The following PIEZO2 variants were observed in gnomAD, a reference collection of about 807,000 sequenced individuals.
PIEZO2 encodes piezo type mechanosensitive ion channel component 2.
A neutral mutation model predicts 337.3 loss-of-function variants in PIEZO2; 172 were observed. The ratio of observed to expected loss-of-function variants is 0.51; its 90% confidence interval spans 0.45 to 0.58. The LOEUF is 0.58. Ranked by LOEUF, PIEZO2 falls within the 20% of genes least tolerant of loss-of-function variation. The probability of loss-of-function intolerance (pLI) is 0.00; values close to 1 mark genes in which losing one functional copy is unlikely to be tolerated. For synonymous variants in PIEZO2, 1,251 were observed against 1,228.5 expected (o/e 1.02, Z -0.38); for missense variants, 3,028 against 3,391.3 (o/e 0.89, Z 2.66).
intron 4 of PIEZO2, among the ~76,000 whole-genome samples, chr18:10,904,524 G>A (rs77745285): frequency 0.013 from 1,967 of 152,306 alleles, 43 homozygotes; most frequent in African/African-American, 0.044. Flanking sequence ...TGGGAGGAGC[G>A]TGCTTCTGTG....
chr18:10,991,815 A>T (rs1172061259), intron 2 of PIEZO2, among the ~76,000 whole-genome samples: 1 of 152,190 alleles, frequency 6.6e-6, no homozygotes, highest in East Asian at 1.9e-4. Context: ...ACTGTCTTCC[A>T]CAATGGTTGA....
rs2038111544 is a variant in PIEZO2, at chr18:10,761,125, A to G, written c.3250-14T>C. 1.3e-6 allele frequency: 2 copies of G among 1,533,954 alleles called. No homozygotes were observed. Among genetic ancestry groups the G allele is most frequent in the African/African-American group, 1.4e-5 (1 of 72,966 alleles). The stretch of plus-strand genomic sequence containing the variant: ...CAGGAGGTTATTCTACAAAGCAAGG[A>G]AACACAAATGTGTCAGCCAGAGGCT... On this transcript the variant is annotated splice_polypyrimidine_tract_variant and intron_variant, in intron 23 of 55. Coordinates refer to ENST00000674853, the MANE Select transcript of PIEZO2 (RefSeq NM_001378183.1).
intron 5 of PIEZO2, among the ~76,000 whole-genome samples, chr18:10,860,391 G>A (rs2041841917): frequency 6.6e-6 from 1 of 152,056 alleles, no homozygotes; most frequent in African/African-American, 2.4e-5. Flanking sequence ...TTTGCTGTGG[G>A]ACAGGTTGTT....
At position 11,078,485 on chromosome 18, in the gene PIEZO2, A is replaced by T. The variant is rs1164933402; in HGVS notation, c.65-12263T>A. Among the ~76,000 whole-genome samples the T allele has an allele frequency of 6.6e-6, 1 of 152,228 alleles. No individual in the cohort carries two copies. Among genetic ancestry groups the T allele is most frequent in the Non-Finnish European group, 1.5e-5 (1 of 68,044 alleles). ...CAACTAATACAGCCGTAAATTGATT[A>T]AAATTACTGTTTTATCTTGATGAAT... On this transcript the variant is annotated intron_variant, in intron 1 of 55. Transcript: ENST00000674853. This position sits in a 1 kb window ranked among gnomAD's most constrained non-coding sequence, Gnocchi z 5.3.
intron 14 of PIEZO2, 94 bp from the exon 15 acceptor site, chr18:10,789,459 T>G (rs1048887668): frequency 1.5e-6 from 2 of 1,341,094 alleles, no homozygotes; most frequent in Admixed American, 5.9e-5. Context: ...GAGGCATGCA[T>G]TTTCTAAGTT....
At chr18:10,852,524 C>A (rs1439263758) in intron 7 of PIEZO2, among the ~76,000 whole-genome samples, 1 of 152,118 alleles carries the variant, frequency 6.6e-6, no homozygotes, top group Non-Finnish European at 1.5e-5. Context: ...CTAGTTTTAC[C>A]ACGGCCAAAT....
At chr18:10,901,458 A>G (rs940045089) in intron 4 of PIEZO2, among the ~76,000 whole-genome samples, 1 of 145,218 alleles carries the variant, frequency 6.9e-6, no homozygotes, top group South Asian at 2.2e-4. Context: ...ACACACACAC[A>G]CTGCAGGTGA....
In PIEZO2 at chr18:10,682,258, T is replaced by C; in HGVS notation, c.7532A>G (p.Lys2511Arg). Reference sequence around the variant, plus strand: ...TCCTCCCATGCCATACTTCACCACTTTCTTCTTCTTCTGGCCCCGTGGCTG... The same window carrying C: ...TCCTCCCATGCCATACTTCACCACTCTCTTCTTCTTCTGGCCCCGTGGCTG... ...YPQPRGQKKK[K>R]VVKYGMGGMI... The change falls in exon 50 of 56, where the codon AAA becomes AGA. Residue 2511 changes from lysine (K) to arginine (R), a missense_variant. By Grantham distance (26) the Lys-to-Arg change is conservative (BLOSUM62 2). Transcript: ENST00000674853. This position sits in a 1 kb window ranked among gnomAD's most constrained non-coding sequence, Gnocchi z 5.6. 1 of 1,535,514 alleles carries C rather than the reference T, an allele frequency of 6.5e-7. No individual in the cohort carries two copies. Among genetic ancestry groups the C allele is most frequent in the Non-Finnish European group, 8.7e-7 (1 of 1,145,862 alleles).
intron 2 of PIEZO2, among the ~76,000 whole-genome samples, chr18:11,010,378 C>T (rs1278867154): frequency 6.6e-6 from 1 of 152,224 alleles, no homozygotes; most frequent in Admixed American, 6.5e-5. Context: ...ATGCACTCAA[C>T]ATGTTTTGAG....
At chr18:10,782,312 T>C (rs1158535667) in intron 17 of PIEZO2, among the ~76,000 whole-genome samples, 1 of 81,444 alleles carries the variant, frequency 1.2e-5, no homozygotes, top group Non-Finnish European at 2.2e-5. Flanking sequence ...TAAATAATTA[T>C]ATAATATATT....
intron 49 of PIEZO2, among the ~76,000 whole-genome samples, chr18:10,683,357 G>A (rs1158684534): frequency 6.6e-6 from 1 of 152,226 alleles, no homozygotes; most frequent in Non-Finnish European, 1.5e-5. Flanking sequence ...GAGAATGGAG[G>A]CTTGACTGGG....
rs910982533 is a variant in PIEZO2 at position 10,903,058 on chromosome 18, G to A, written c.329+8128C>T. 2.0e-5 allele frequency among the ~76,000 whole-genome samples: 3 copies of A among 152,162 alleles called. No individual in the cohort carries two copies. The highest frequency in any genetic ancestry group is 2.1e-4 in the South Asian group (1 of 4,820). On this transcript the variant is annotated intron_variant, in intron 4 of 55. Coordinates refer to ENST00000674853, the MANE Select transcript of PIEZO2 (RefSeq NM_001378183.1). The surrounding 1 kb of genome is among the most constrained non-coding windows in gnomAD (Gnocchi z 4.1). ...CTGCCCCGGGGAGACAGCAGCTATG[G>A]GGAGGCACCAACCCATGGGCTGTAC...
chr18:10,720,410 TA>T lies in PIEZO2; in HGVS notation c.5030-2152del. On this transcript the variant is annotated intron_variant, in intron 36 of 55. Coordinates refer to ENST00000674853, the MANE Select transcript of PIEZO2 (RefSeq NM_001378183.1). ...GTGTGTGTGTGTGTGTGTGTATGTG[TA>T]TGTGTATGTATATATATATATATAT... Among the ~76,000 whole-genome samples, 2 of 12,056 alleles carry T rather than the reference TA, an allele frequency of 1.7e-4. 1 individual carries two copies. The highest frequency in any genetic ancestry group is 2.5e-4 in the Non-Finnish European group (2 of 7,912). The allele number at this position is 12,056 out of a possible 152,430, so 7.9% of individuals were successfully genotyped here.
rs1035928749 is a variant in PIEZO2, at chr18:11,097,323, G to A, written c.65-31101C>T. Among the ~76,000 whole-genome samples, 8 of 152,328 alleles carry A rather than the reference G, an allele frequency of 5.3e-5. No individual in the cohort carries two copies. The highest frequency in any genetic ancestry group is 2.0e-4 in the Admixed American group (3 of 15,300). ...AGCCAAGTCAGGCTCCTTCTTCTAA[G>A]TATTTTCTATGGCTGTTTCTGCAGT... On this transcript the variant is annotated intron_variant, in intron 1 of 55. Transcript: ENST00000674853. The surrounding 1 kb of genome is among the most constrained non-coding windows in gnomAD (Gnocchi z 5.0).
At chr18:11,138,512 C>G (rs2040552115) in intron 1 of PIEZO2, among the ~76,000 whole-genome samples, 1 of 152,114 alleles carries the variant, frequency 6.6e-6, no homozygotes, top group Non-Finnish European at 1.5e-5. Flanking sequence ...CCAGGATGGT[C>G]TCGAATTCCT....
chr18:10,820,421 C>T (rs1437986638), intron 7 of PIEZO2, among the ~76,000 whole-genome samples: 1 of 151,184 alleles, frequency 6.6e-6, no homozygotes, highest in Non-Finnish European at 1.5e-5. Context: ...TCAAGTTCAT[C>T]TATCTTTTCT....
chr18:10,860,123 G>C (rs1335292119), intron 5 of PIEZO2, among the ~76,000 whole-genome samples: 2 of 152,152 alleles, frequency 1.3e-5, no homozygotes, highest in African/African-American at 4.8e-5. Context: ...TATCCAGTAG[G>C]CAGCTATTAT....
intron 3 of PIEZO2, among the ~76,000 whole-genome samples, chr18:10,911,545 A>C (rs1314683669): frequency 6.6e-6 from 1 of 151,934 alleles, no homozygotes; most frequent in Non-Finnish European, 1.5e-5. Context: ...ACCTGAGGTC[A>C]GGAGTTCGAG....
At chr18:11,036,819 C>T (rs2036937641) in intron 2 of PIEZO2, among the ~76,000 whole-genome samples, 1 of 152,134 alleles carries the variant, frequency 6.6e-6, no homozygotes, top group African/African-American at 2.4e-5. Flanking sequence ...GCATGCCAAA[C>T]CAGGTCACAC....
Sources: allele counts gnomAD v4.1 joint callset (sites outside exome capture counted in the v4.1 genomes callset), GRCh38; gene constraint gnomAD v4.1.1; non-coding constraint Gnocchi (gnomAD v3.1); transcripts MANE v1.5; gene names NCBI Gene and HGNC (gene_info 2026-07-23, HGNC 2026-07-21).